Variants in TXK observed in about 807,000 individuals in gnomAD.
TXK encodes TXK tyrosine kinase, also known as tyrosine-protein kinase TXK.
In TXK, 60 loss-of-function variants were observed where a neutral mutation model predicts 81.0. The ratio of observed to expected loss-of-function variants is 0.74; its 90% CI spans 0.60 to 0.92. The LOEUF (loss-of-function observed/expected upper bound fraction) is 0.92. TXK is among the 40% of genes least tolerant of loss of function. The probability of loss-of-function intolerance (pLI) is 0.00; values close to 1 mark genes in which losing one functional copy is unlikely to be tolerated. For missense variants in TXK, 581 were observed against 638.3 expected (o/e 0.91, Z 0.97); for synonymous variants, 203 against 210.7 (o/e 0.96, Z 0.32).
At chr4:48,078,994 T>C (rs1717180507) in intron 11 of TXK, among the ~76,000 whole-genome samples, 1 of 152,156 alleles carries the variant, frequency 6.6e-6, no homozygotes, top group Non-Finnish European at 1.5e-5. Context: ...TCAGTTTTAG[T>C]CACATGATAG....
chr4:48,089,669 G>T, intron 9 of TXK, 81 bp downstream of exon 9: 1 of 1,191,280 alleles, frequency 8.4e-7, no homozygotes, highest in Non-Finnish European at 1.2e-6. Flanking sequence ...TAGGATTACA[G>T]CTGTGAGCCA....
intron 14 of TXK, 115 bp from the exon 15 acceptor site, chr4:48,067,820 G>A (rs879183436): frequency 2.2e-5 from 22 of 991,750 alleles, no homozygotes; most frequent in South Asian, 1.5e-4. Context: ...CGAGGTCATC[G>A]CCAAGGTCTG....
chr4:48,105,965 A>C lies in TXK; in HGVS notation c.447-1010T>G, dbSNP rs1718442898. 1.3e-5 allele frequency: 2 copies of C among 152,230 alleles called. 1 individual carries two copies. Among genetic ancestry groups the C allele is most frequent in the South Asian group, 4.1e-4 (2 of 4,830 alleles). 9.4% of individuals were successfully genotyped at this position (152,230 alleles called of 1,614,324 possible). ...TACTGTAAGCTAAACATACAGTTTG[A>C]TATGGTAATACCTAGTCAGTAAGCA... On this transcript the variant is annotated intron_variant, in intron 5 of 14. Coordinates refer to ENST00000264316, the MANE Select transcript of TXK (RefSeq NM_003328.3).
rs377320330 is a variant in TXK, at chr4:48,104,504, T to A, written c.501+397A>T. On this transcript the variant is annotated intron_variant, in intron 6 of 14. Transcript: ENST00000264316. ...ATATATAATATATAATATTATATAT[T>A]ATATATATAATATATAATATTATAT... 3.7e-3 allele frequency among the ~76,000 whole-genome samples: 6 copies of A among 1,618 alleles called. 2 individuals carry two copies. Among genetic ancestry groups the A allele is most frequent in the Non-Finnish European group, 8.3e-3 (6 of 724 alleles). 1.1% of individuals were successfully genotyped at this position (1,618 alleles called of 152,430 possible). A position where few individuals can be genotyped will look rare whatever the true frequency, so the allele number is the denominator to read the frequency against.
intron 1 of TXK, among the ~76,000 whole-genome samples, chr4:48,120,658 T>A (rs150843448): frequency 0.024 from 3,663 of 152,134 alleles, 58 homozygotes; most frequent in Middle Eastern, 0.058. Context: ...GCCCGGCTAA[T>A]TTTTGTATTT....
At chr4:48,101,166 T>C (rs971903973) in intron 6 of TXK, among the ~76,000 whole-genome samples, 1 of 152,048 alleles carries the variant, frequency 6.6e-6, no homozygotes, top group Admixed American at 6.5e-5. Context: ...TAAATAAAAA[T>C]TATAGGATAT....
chr4:48,133,083 G>A (rs1719287111), intron 1 of TXK, among the ~76,000 whole-genome samples: 1 of 152,198 alleles, frequency 6.6e-6, no homozygotes, highest in African/African-American at 2.4e-5. Flanking sequence ...AGTTTGTAGT[G>A]AAGATTTCAG....
At chr4:48,129,862 C>G (rs58924403) in intron 1 of TXK, among the ~76,000 whole-genome samples, 20,124 of 152,162 alleles carry the variant, frequency 0.13, 1,562 homozygotes, top group East Asian at 0.35. Flanking sequence ...AGCTCGCAGA[C>G]ATCACACCCA....
intron 8 of TXK, among the ~76,000 whole-genome samples, chr4:48,091,411 G>A (rs1221240710): frequency 6.6e-6 from 1 of 152,190 alleles, no homozygotes; most frequent in African/African-American, 2.4e-5. Context: ...GGACTCATAA[G>A]CCACGCTAGG....
At chr4:48,068,536 A>G (rs1375967902) in intron 14 of TXK, among the ~76,000 whole-genome samples, 2 of 152,230 alleles carry the variant, frequency 1.3e-5, no homozygotes, top group African/African-American at 4.8e-5. Context: ...TTACATTTTA[A>G]AAAGTTTTAA....
intron 7 of TXK, 30 bp from the exon 8 acceptor site, chr4:48,094,234 A>T (rs1717893192): frequency 6.2e-7 from 1 of 1,609,166 alleles, no homozygotes; most frequent in East Asian, 2.2e-5. Context: ...AATTACTAGA[A>T]ATGTGAAAGA....
At chr4:48,096,319 G>A (rs1717977822) in intron 6 of TXK, among the ~76,000 whole-genome samples, 1 of 152,166 alleles carries the variant, frequency 6.6e-6, no homozygotes, top group Non-Finnish European at 1.5e-5. Flanking sequence ...TGAATGTATT[G>A]TGTATATGTA....
intron 7 of TXK, among the ~76,000 whole-genome samples, 186 bp downstream of exon 7, chr4:48,094,957 G>A (rs758118245): frequency 2.6e-5 from 4 of 152,184 alleles, no homozygotes; most frequent in Admixed American, 6.5e-5. Context: ...AAAGGAAGAC[G>A]GGAGAGGTTA....
chr4:48,109,276 C>G (rs1718558361), intron 5 of TXK: 2 of 152,018 alleles, frequency 1.3e-5, no homozygotes, highest in African/African-American at 2.4e-5. Flanking sequence ...ATTCTCCCAC[C>G]TCAGTCTCCC....
At chr4:48,124,899 G>A (rs1719049085) in intron 1 of TXK, among the ~76,000 whole-genome samples, 1 of 152,178 alleles carries the variant, frequency 6.6e-6, no homozygotes, top group African/African-American at 2.4e-5. Flanking sequence ...AGGCAGACAT[G>A]CACTCAAATC....
At position 48,086,489 on chromosome 4, in the gene TXK, G is replaced by T; in HGVS notation, c.933C>A (p.Phe311Leu). ...INEGSMSEED[F>L]IEEAKVMMKL... ...ACATCATCACTTTGGCCTCTTCAAT[G>T]AAATCCTCTTCAGACATGGAGCCTT... is the stretch of plus-strand genomic sequence containing the variant. The change falls in exon 10 of 15, where the codon TTC (phenylalanine) becomes TTA (leucine). Residue 311 changes from phenylalanine (F) to leucine (L), a missense_variant. Phe to Leu is a conservative substitution (Grantham distance 22). Transcript: ENST00000264316. The T allele has an allele frequency of 6.2e-7, 1 of 1,614,028 alleles. No homozygotes were observed. The highest frequency in any genetic ancestry group is 8.5e-7 in the Non-Finnish European group (1 of 1,179,968).
rs34518985 is a variant in TXK, at chr4:48,095,163, G to T, written c.561C>A (p.Ser187=). 7.5e-3 allele frequency: 12,106 copies of T among 1,613,416 alleles called. 712 individuals are homozygous for T. In the African/African-American group the frequency reaches 0.13, roughly 18 times the overall value. The change falls in exon 7 of 15, where the codon TCC becomes TCA. Residue 187 remains serine, a synonymous_variant. Transcript: ENST00000264316. ...CTTACCTTCTAGCTCCCATAAATAC[G>T]GAAATTGTGTAGGATCCTAAATGTC... ...DSRHLGSYTI[S]VFMGARRSTE... is the part of the protein sequence containing the mutation.
At chr4:48,086,723 A>C in intron 9 of TXK, 86 bp from the exon 10 acceptor site, 1 of 1,275,508 alleles carries the variant, frequency 7.8e-7, no homozygotes. Flanking sequence ...AGTATCTATT[A>C]TTTGACAGAG....
At chr4:48,123,863 C>G (rs1025876035) in intron 1 of TXK, among the ~76,000 whole-genome samples, 15 of 152,158 alleles carry the variant, frequency 9.9e-5, no homozygotes, top group Admixed American at 2.6e-4. Context: ...GTGACCCCAC[C>G]CTGACTACTT....
Sources: allele counts gnomAD v4.1 joint callset (sites outside exome capture counted in the v4.1 genomes callset), GRCh38; gene constraint gnomAD v4.1.1; transcripts MANE v1.5; gene names NCBI Gene and HGNC (gene_info 2026-07-23, HGNC 2026-07-21).